Variants in TAFA2 observed in about 807,000 individuals in gnomAD.
The protein encoded by TAFA2 is TAFA chemokine like family member 2.
Under a neutral mutation model 18.8 loss-of-function variants are expected in TAFA2, and 7 were observed. The observed-to-expected ratio is 0.37, with a 90% CI of 0.21 to 0.70. The LOEUF (loss-of-function observed/expected upper bound fraction) is 0.70. Ranked by LOEUF, TAFA2 falls within the 30% of genes least tolerant of loss-of-function variation. TAFA2 has a pLI of 0.53. For missense variants in TAFA2, 122 were observed against 158.1 expected (o/e 0.77, Z 1.23); for synonymous variants, 60 against 54.2 (o/e 1.11, Z -0.47).
intron 1 of TAFA2, among the ~76,000 whole-genome samples, chr12:62,190,380 T>C (rs1425312162): frequency 6.6e-6 from 1 of 152,138 alleles, no homozygotes; most frequent in Non-Finnish European, 1.5e-5. Flanking sequence ...TGAAGATCAG[T>C]AGCCTCAAGA....
chr12:61,798,411 C>T (rs7489024), intron 2 of TAFA2, among the ~76,000 whole-genome samples: 78,142 of 151,966 alleles, frequency 0.51, 20,421 homozygotes, highest in African/African-American at 0.61. Flanking sequence ...GCGTAAGTTA[C>T]ACATAAAATT....
intron 4 of TAFA2, among the ~76,000 whole-genome samples, chr12:61,733,767 G>T (rs1240513812): frequency 1.3e-5 from 2 of 152,032 alleles, no homozygotes; most frequent in East Asian, 3.9e-4. Flanking sequence ...CTCTTTTTTG[G>T]TTCCATACGA....
chr12:61,965,295 A>G lies in TAFA2; in HGVS notation c.-1-97869T>C, dbSNP rs116063527. ...CAGCTAAAAGCATCATCTATGAACC[A>G]GAATGTGAGTGCTCACCAGACAACC... is the stretch of plus-strand genomic sequence containing the variant. On this transcript the variant is annotated intron_variant, in intron 1 of 4. Transcript: ENST00000416284. 5.5e-3 allele frequency among the ~76,000 whole-genome samples: 839 copies of G among 151,942 alleles called. 11 individuals are homozygous for G. The highest frequency in any genetic ancestry group is 0.019 in the African/African-American group (790 of 41,516).
intron 1 of TAFA2, among the ~76,000 whole-genome samples, chr12:62,205,629 C>T (rs1232487114): frequency 6.6e-6 from 1 of 152,200 alleles, no homozygotes; most frequent in African/African-American, 2.4e-5. Flanking sequence ...AGCCACTGTG[C>T]TGCACTGTGG....
At chr12:62,140,122 T>C (rs1292109811) in intron 1 of TAFA2, 1 of 152,212 alleles carries the variant, frequency 6.6e-6, no homozygotes, top group Admixed American at 6.5e-5. Context: ...AAGAGATTTG[T>C]CCTGGGAAGT....
intron 2 of TAFA2, among the ~76,000 whole-genome samples, chr12:61,801,797 G>A (rs1871407712): frequency 6.6e-6 from 1 of 151,888 alleles, no homozygotes; most frequent in Non-Finnish European, 1.5e-5. Flanking sequence ...CACAGCAAAA[G>A]AAACAATCAA....
chr12:62,219,110 C>G (rs1047792610), intron 1 of TAFA2, among the ~76,000 whole-genome samples: 5 of 150,904 alleles, frequency 3.3e-5, no homozygotes, highest in African/African-American at 1.2e-4. Flanking sequence ...TGAAAACACA[C>G]AAAACAACTT....
intron 1 of TAFA2, among the ~76,000 whole-genome samples, chr12:61,869,806 CT>C (rs1874517833): frequency 6.6e-6 from 1 of 152,146 alleles, no homozygotes; most frequent in African/African-American, 2.4e-5. Flanking sequence ...AGAATCTTCT[CT>C]TTTTTTCTAC....
chr12:61,994,014 C>T (rs1238382900), intron 1 of TAFA2, among the ~76,000 whole-genome samples: 1 of 152,170 alleles, frequency 6.6e-6, no homozygotes, highest in East Asian at 1.9e-4. Flanking sequence ...TCTCTACATA[C>T]TAATGGTCCA....
At chr12:62,058,886 G>A (rs149372847) in intron 1 of TAFA2, among the ~76,000 whole-genome samples, 10,379 of 152,166 alleles carry the variant, frequency 0.068, 458 homozygotes, top group Non-Finnish European at 0.11. Context: ...GGCGGATCAC[G>A]AGGCCAGGCG....
intron 1 of TAFA2, chr12:61,880,121 T>A: frequency 3.3e-6 from 2 of 607,576 alleles, no homozygotes; most frequent in Non-Finnish European, 6.0e-6. Flanking sequence ...CAAGGCCCAG[T>A]ATAAGGAGAT....
chr12:61,846,906 T>G (rs1873428465), intron 2 of TAFA2, among the ~76,000 whole-genome samples: 1 of 152,202 alleles, frequency 6.6e-6, no homozygotes, highest in Admixed American at 6.5e-5. Flanking sequence ...TGAGTTCATC[T>G]CCCAGGAGTA....
chr12:61,962,299 A>G (rs1350664046), intron 1 of TAFA2, among the ~76,000 whole-genome samples: 1 of 152,064 alleles, frequency 6.6e-6, no homozygotes, highest in East Asian at 1.9e-4. Flanking sequence ...TTCTTATTTT[A>G]TACATTAAAG....
intron 4 of TAFA2, among the ~76,000 whole-genome samples, chr12:61,733,440 A>C (rs1174885588): frequency 1.3e-5 from 2 of 151,938 alleles, no homozygotes; most frequent in Non-Finnish European, 2.9e-5. Flanking sequence ...ATCTTGAATT[A>C]ATTTTTGTAT....
At position 62,043,465 on chromosome 12, in the gene TAFA2, A is replaced by G. The variant is rs143446229; in HGVS notation, c.-2+147794T>C. On this transcript the variant is annotated intron_variant, in intron 1 of 4. Transcript: ENST00000416284. ...ACATCACACTCCGGGGACTGTTGTG[A>G]GGTGGGGGTAGGGGGGAGGGATAGC... Among the ~76,000 whole-genome samples, 115 of 138,294 alleles carry G rather than the reference A, an allele frequency of 8.3e-4. 1 individual carries two copies. The highest frequency in any genetic ancestry group is 2.3e-3 in the African/African-American group (86 of 37,212). 90.7% of individuals were successfully genotyped at this position (138,294 alleles called of 152,430 possible). A position where few individuals can be genotyped will look rare whatever the true frequency, so the allele number is the denominator to read the frequency against.
intron 1 of TAFA2, among the ~76,000 whole-genome samples, chr12:62,062,401 C>T (rs140431607): frequency 6.6e-6 from 1 of 152,228 alleles, no homozygotes; most frequent in Admixed American, 6.5e-5. Flanking sequence ...GGTTTCATTG[C>T]GACCTGACAA....
At chr12:61,851,068 A>G (rs1182519779) in intron 2 of TAFA2, among the ~76,000 whole-genome samples, 1 of 152,228 alleles carries the variant, frequency 6.6e-6, no homozygotes, top group East Asian at 1.9e-4. Context: ...CACTGTTAGG[A>G]ACAGCAGATG....
At chr12:61,963,466 A>G (rs1364119794) in intron 1 of TAFA2, among the ~76,000 whole-genome samples, 2 of 151,838 alleles carry the variant, frequency 1.3e-5, no homozygotes, top group Non-Finnish European at 2.9e-5. Flanking sequence ...GTTCTTTTTC[A>G]TATGTTTGTT....
intron 1 of TAFA2, among the ~76,000 whole-genome samples, chr12:62,156,533 G>A (rs11174353): frequency 3.3e-5 from 5 of 152,058 alleles, no homozygotes; most frequent in Non-Finnish European, 7.4e-5. Context: ...TTTCAAAACC[G>A]TGGAACCAAC....
Sources: allele counts gnomAD v4.1 joint callset (sites outside exome capture counted in the v4.1 genomes callset), GRCh38; gene constraint gnomAD v4.1.1; transcripts MANE v1.5; gene names NCBI Gene and HGNC (gene_info 2026-07-23, HGNC 2026-07-21).